The following PBLD variants were observed in gnomAD, a reference collection of about 807,000 sequenced individuals.
PBLD encodes phenazine biosynthesis like protein domain containing, also known as phenazine biosynthesis-like domain-containing protein.
A neutral mutation model predicts 31.3 loss-of-function variants in PBLD; 26 were observed. That is an observed-to-expected ratio of 0.83 (90% CI 0.61 to 1.15). PBLD has a LOEUF of 1.15. PBLD is among the 50% of genes most tolerant of loss of function. The probability of loss-of-function intolerance (pLI) is 0.00; values close to 1 mark genes in which losing one functional copy is unlikely to be tolerated. For missense variants in PBLD, 307 were observed against 351.7 expected (o/e 0.87, Z 1.02); for synonymous variants, 114 against 129.0 (o/e 0.88, Z 0.79).
intron 1 of PBLD, among the ~76,000 whole-genome samples, chr10:68,311,071 G>C (rs2044661186): frequency 6.6e-6 from 1 of 152,082 alleles, no homozygotes. Context: ...AAAGTAAAAA[G>C]CAAAATGGTT....
intron 1 of PBLD, among the ~76,000 whole-genome samples, chr10:68,313,915 C>T (rs1043796301): frequency 6.6e-6 from 1 of 152,096 alleles, no homozygotes; most frequent in African/African-American, 2.4e-5. Flanking sequence ...CTGTACTTGA[C>T]AATCCAATTG....
chr10:68,306,898 C>T lies in PBLD; in HGVS notation c.-54G>A, dbSNP rs369967600. 30 of 1,380,982 alleles carry T rather than the reference C, an allele frequency of 2.2e-5. No homozygotes were observed. Among genetic ancestry groups the T allele is most frequent in the African/African-American group, 8.6e-5 (6 of 69,680 alleles). 85.5% of individuals were successfully genotyped at this position (1,380,982 alleles called of 1,614,324 possible). ...TCAAAATTGCTGGTAGCCTGCTTTA[C>T]GTCTTCTTCTTGGAAAAGGAAATCA... On this transcript the variant is annotated 5_prime_UTR_variant, in exon 2 of 10. Coordinates refer to ENST00000358769, the MANE Select transcript of PBLD (RefSeq NM_022129.4).
chr10:68,292,577 T>G (rs1245877289), intron 4 of PBLD, among the ~76,000 whole-genome samples: 2 of 151,932 alleles, frequency 1.3e-5, no homozygotes, highest in African/African-American at 2.4e-5. Flanking sequence ...TGGCACGATC[T>G]CAGCTCACTG....
intron 3 of PBLD, among the ~76,000 whole-genome samples, 154 bp downstream of exon 3, chr10:68,296,732 G>A (rs760376978): frequency 3.3e-5 from 5 of 152,172 alleles, no homozygotes; most frequent in Non-Finnish European, 5.9e-5. Context: ...GGCCAGGTGT[G>A]GTGGCTCACA....
chr10:68,314,922 T>C (rs2044717331), intron 1 of PBLD, among the ~76,000 whole-genome samples: 1 of 152,100 alleles, frequency 6.6e-6, no homozygotes, highest in Non-Finnish European at 1.5e-5. Flanking sequence ...CCCAAGTAGT[T>C]GGGATTACAG....
intron 1 of PBLD, among the ~76,000 whole-genome samples, chr10:68,319,839 T>C (rs1464665251): frequency 2.0e-5 from 3 of 151,558 alleles, no homozygotes; most frequent in Non-Finnish European, 4.4e-5. Flanking sequence ...TATTTTTTTT[T>C]TGAGATGGAG....
intron 1 of PBLD, among the ~76,000 whole-genome samples, chr10:68,312,970 G>A (rs2044690776): frequency 6.6e-6 from 1 of 151,868 alleles, no homozygotes; most frequent in African/African-American, 2.4e-5. Context: ...AGTGGTGGTG[G>A]TGCGATCAAT....
intron 1 of PBLD, among the ~76,000 whole-genome samples, chr10:68,327,759 T>C (rs1210915765): frequency 1.3e-5 from 2 of 152,062 alleles, no homozygotes; most frequent in African/African-American, 4.8e-5. Context: ...GTTATTAATG[T>C]GCTTATGACA....
rs545264348 is a variant in PBLD, at chr10:68,317,934, A to C, written c.-59-11031T>G. Among the ~76,000 whole-genome samples the C allele has an allele frequency of 1.2e-3, 184 of 152,220 alleles. No individual in the cohort carries two copies. In the South Asian group the frequency reaches 0.022, roughly 18 times the overall value. ...GTTATGTGATTTTTACCACAATAAA[A>C]AAATAAAGTAAGGCCGGGCACGGTG... On this transcript the variant is annotated intron_variant, in intron 1 of 9. Transcript: ENST00000358769.
At chr10:68,322,384 G>C (rs2044848069) in intron 1 of PBLD, among the ~76,000 whole-genome samples, 1 of 152,000 alleles carries the variant, frequency 6.6e-6, no homozygotes, top group Non-Finnish European at 1.5e-5. Flanking sequence ...ACCAGAGCTA[G>C]GCACGGTGGC....
intron 1 of PBLD, among the ~76,000 whole-genome samples, chr10:68,328,814 A>G (rs1209726241): frequency 6.6e-6 from 1 of 151,002 alleles, no homozygotes; most frequent in African/African-American, 2.4e-5. Flanking sequence ...TTTTTTTTTT[A>G]AGAAAGGTAG....
intron 2 of PBLD, among the ~76,000 whole-genome samples, chr10:68,305,218 TAAAA>T (rs939766830): frequency 6.8e-6 from 1 of 147,190 alleles, no homozygotes; most frequent in African/African-American, 2.5e-5. Context: ...TTTTAAAAAA[TAAAA>T]AACAACAACA....
chr10:68,304,690 A>G (rs2044552900), intron 2 of PBLD, among the ~76,000 whole-genome samples: 1 of 152,236 alleles, frequency 6.6e-6, no homozygotes, highest in East Asian at 1.9e-4. Flanking sequence ...TTATCTGATA[A>G]AAATGGAATA....
intron 1 of PBLD, among the ~76,000 whole-genome samples, chr10:68,327,778 G>A (rs944954139): frequency 6.6e-6 from 1 of 151,282 alleles, no homozygotes; most frequent in African/African-American, 2.4e-5. Flanking sequence ...CACACTAAAA[G>A]CAGTACAATA....
intron 4 of PBLD, among the ~76,000 whole-genome samples, chr10:68,294,954 A>G (rs948127038): frequency 6.6e-6 from 1 of 152,078 alleles, no homozygotes; most frequent in African/African-American, 2.4e-5. Flanking sequence ...ATTCTGTCCT[A>G]TCATCCTGTT....
At position 68,292,162 on chromosome 10, in the gene PBLD, G is replaced by A. The variant is rs757611330; in HGVS notation, c.360C>T (p.Val120=). The change falls in exon 5 of 10, where the codon GTC becomes GTT. Residue 120 remains valine (V), a synonymous_variant. Transcript: ENST00000358769. ...LRARRAEDGI[V]LDLPLYPAHP... is the part of the protein sequence containing the mutation. ...GGGCTGGATAAAGAGGCAAGTCCAGGACGATGCCATCCTCTGCTCGTCTGG... is the reference window on the plus strand; with the variant it reads ...GGGCTGGATAAAGAGGCAAGTCCAGAACGATGCCATCCTCTGCTCGTCTGG... 3 of 1,614,022 alleles carry A rather than the reference G, an allele frequency of 1.9e-6. No individual in the cohort carries two copies. Among genetic ancestry groups the A allele is most frequent in the Non-Finnish European group, 2.5e-6 (3 of 1,180,008 alleles).
chr10:68,323,078 A>T (rs1028217777), intron 1 of PBLD, among the ~76,000 whole-genome samples: 6 of 151,750 alleles, frequency 4.0e-5, no homozygotes, highest in African/African-American at 1.2e-4. Flanking sequence ...AGTGAGCCAT[A>T]TATAGGAATT....
At chr10:68,313,133 T>C (rs2044693479) in intron 1 of PBLD, among the ~76,000 whole-genome samples, 1 of 152,184 alleles carries the variant, frequency 6.6e-6, no homozygotes, top group Admixed American at 6.5e-5. Flanking sequence ...CAAGCTGGTC[T>C]CAAACTCCTG....
At chr10:68,290,881 G>GT (rs1266707723) in intron 6 of PBLD, among the ~76,000 whole-genome samples, 1 of 152,094 alleles carries the variant, frequency 6.6e-6, no homozygotes, top group Non-Finnish European at 1.5e-5. Flanking sequence ...ACCATTATAA[G>GT]TTTTTTCCAC....
Sources: allele counts gnomAD v4.1 joint callset (sites outside exome capture counted in the v4.1 genomes callset), GRCh38; gene constraint gnomAD v4.1.1; transcripts MANE v1.5; gene names NCBI Gene and HGNC (gene_info 2026-07-23, HGNC 2026-07-21).